The following CA10 variants were observed in gnomAD, a reference collection of about 807,000 sequenced individuals.
CA10 encodes the protein carbonic anhydrase-related protein 10.
Under a neutral mutation model 44.2 loss-of-function variants are expected in CA10, and 14 were observed. The ratio of observed to expected loss-of-function variants is 0.32; its 90% CI spans 0.21 to 0.50. The LOEUF (loss-of-function observed/expected upper bound fraction) is 0.50, where lower values mean the gene tolerates loss of function less well. Ranked by LOEUF, CA10 falls within the 20% of genes least tolerant of loss-of-function variation. The pLI, the probability that CA10 is intolerant of heterozygous loss-of-function variation, is 0.99. For missense variants in CA10, 350 were observed against 409.7 expected, an observed-to-expected ratio of 0.85 and a Z score of 1.26; for synonymous variants, 159 against 141.6, an observed-to-expected ratio of 1.12 and a Z score of -0.87.
At position 51,747,665 on chromosome 17, in the gene CA10, G is replaced by T. The variant is rs771869812; in HGVS notation, c.433C>A (p.His145Asn). Residue 145 changes from histidine to asparagine, a missense_variant, in exon 4 of 9, where the codon CAC becomes AAC. Physicochemically the swap from His to Asn is moderately conservative, Grantham distance 68. Coordinates refer to ENST00000451037, the MANE Select transcript of CA10 (RefSeq NM_020178.5). ...GAGAAGGCCTGTCCATTGAGGAGGT[G>T]CTCCGACCCTTGGCTGTCCTCACTC... ...FGSEDSQGSEHLLNGQAFSGE... is the reference protein window; with the variant it reads ...FGSEDSQGSENLLNGQAFSGE... The T allele has an allele frequency of 1.2e-6, 2 of 1,613,900 alleles. No individual in the cohort carries two copies. The highest frequency in any genetic ancestry group is 1.7e-6 in the Non-Finnish European group (2 of 1,179,876).
chr17:51,730,486 G>A (rs1176762453), intron 4 of CA10, among the ~76,000 whole-genome samples: 4 of 152,152 alleles, frequency 2.6e-5, no homozygotes, highest in African/African-American at 9.7e-5. Flanking sequence ...GGACTTAAGG[G>A]AGGTTAAAGG....
intron 2 of CA10, among the ~76,000 whole-genome samples, chr17:51,980,570 T>G (rs1567907753): frequency 6.6e-6 from 1 of 152,258 alleles, no homozygotes; most frequent in Non-Finnish European, 1.5e-5. Flanking sequence ...GATTTTGGTG[T>G]CTTTGTCACA....
At chr17:51,916,893 G>T (rs926739065) in intron 3 of CA10, among the ~76,000 whole-genome samples, 1 of 152,124 alleles carries the variant, frequency 6.6e-6, no homozygotes, top group South Asian at 2.1e-4. Flanking sequence ...CCAAACCATG[G>T]CCACCGGAGT....
intron 4 of CA10, among the ~76,000 whole-genome samples, chr17:51,728,297 T>C (rs531485541): frequency 2.0e-5 from 3 of 152,182 alleles, no homozygotes; most frequent in African/African-American, 7.2e-5. Flanking sequence ...TTTTTTTTTA[T>C]TGAAACTAAG....
At chr17:52,082,392 T>C (rs1401817472) in intron 1 of CA10, among the ~76,000 whole-genome samples, 3 of 152,216 alleles carry the variant, frequency 2.0e-5, no homozygotes, top group Admixed American at 2.0e-4. Flanking sequence ...AACTATAATT[T>C]TGCTTCTTTC....
intron 2 of CA10, among the ~76,000 whole-genome samples, chr17:51,989,931 C>T (rs189513368): frequency 1.8e-4 from 28 of 152,172 alleles, no homozygotes; most frequent in African/African-American, 6.7e-4. Flanking sequence ...TTCTATCATC[C>T]ACATTTTACA....
At chr17:51,813,759 G>C (rs1907462002) in intron 3 of CA10, among the ~76,000 whole-genome samples, 1 of 152,146 alleles carries the variant, frequency 6.6e-6, no homozygotes. Context: ...TGTCCCATAG[G>C]ATATACCGGC....
chr17:51,829,487 C>T (rs1352137254), intron 3 of CA10, among the ~76,000 whole-genome samples: 16 of 152,046 alleles, frequency 1.1e-4, no homozygotes, highest in East Asian at 9.7e-4. Context: ...TGAGGAGCTA[C>T]GTTGAAAAGC....
At chr17:52,010,621 A>G (rs1490586573) in intron 2 of CA10, among the ~76,000 whole-genome samples, 2 of 151,758 alleles carry the variant, frequency 1.3e-5, no homozygotes, top group Non-Finnish European at 2.9e-5. Context: ...GGACTGGGGG[A>G]AAATGTGGGG....
At chr17:52,010,757 C>T (rs1165929842) in intron 2 of CA10, among the ~76,000 whole-genome samples, 1 of 151,666 alleles carries the variant, frequency 6.6e-6, no homozygotes, top group Non-Finnish European at 1.5e-5. Flanking sequence ...ATATTTTGTT[C>T]AACATGAACT....
chr17:52,044,771 A>ACTAAAC (rs1555561297), intron 2 of CA10, among the ~76,000 whole-genome samples: 1 of 151,932 alleles, frequency 6.6e-6, no homozygotes, highest in African/African-American at 2.4e-5. Context: ...AACAGAAACT[A>ACTAAAC]TTAAAGTGCA....
chr17:51,770,403 T>C (rs1905558012), intron 3 of CA10, among the ~76,000 whole-genome samples: 1 of 151,196 alleles, frequency 6.6e-6, no homozygotes. Context: ...ACACAAACCC[T>C]CCCCCGAGAC....
Position 52,153,557 on chromosome 17 carries a change from CTA to C in CA10, c.61+4167_61+4168del, listed in dbSNP as rs1989746023. ...GGGATAAAGTGGGTTACAGTTATGACTATGCACCAAAGCTTAATGCTACCAGT... is the reference window on the plus strand; with the variant it reads ...GGGATAAAGTGGGTTACAGTTATGACTGCACCAAAGCTTAATGCTACCAGT... On this transcript the variant is annotated intron_variant, in intron 1 of 8. Transcript: ENST00000451037. Among the ~76,000 whole-genome samples the C allele has an allele frequency of 2.6e-5, 4 of 152,220 alleles. No individual in the cohort carries two copies. In the South Asian group the frequency reaches 8.3e-4, roughly 32 times the overall value.
chr17:52,064,994 A>G (rs1449995182), intron 2 of CA10, among the ~76,000 whole-genome samples: 1 of 152,196 alleles, frequency 6.6e-6, no homozygotes, highest in Non-Finnish European at 1.5e-5. Context: ...CCATCCAAAT[A>G]CTTTATGTGG....
chr17:51,665,904 G>A (rs553057455), intron 4 of CA10, among the ~76,000 whole-genome samples: 1 of 152,308 alleles, frequency 6.6e-6, no homozygotes, highest in East Asian at 1.9e-4. Context: ...TTTATGCCTG[G>A]GGTTGCAAAT....
At chr17:51,757,233 C>T (rs564734745) in intron 3 of CA10, among the ~76,000 whole-genome samples, 1 of 152,216 alleles carries the variant, frequency 6.6e-6, no homozygotes, top group South Asian at 2.1e-4. Context: ...TACAAAAAGC[C>T]AGTGTGCTGC....
At chr17:51,858,320 T>C (rs528086640) in intron 3 of CA10, among the ~76,000 whole-genome samples, 65 of 152,272 alleles carry the variant, frequency 4.3e-4, no homozygotes, top group African/African-American at 1.5e-3. Context: ...TGAGAAGGCA[T>C]GGGTGCAATT....
chr17:51,701,483 TA>T (rs1915601321), intron 4 of CA10, among the ~76,000 whole-genome samples: 4 of 148,120 alleles, frequency 2.7e-5, no homozygotes, highest in African/African-American at 8.0e-5. Context: ...CTCATTTATT[TA>T]TTTATTTTTT....
chr17:52,103,005 C>T (rs1239523883), intron 1 of CA10, among the ~76,000 whole-genome samples: 1 of 152,056 alleles, frequency 6.6e-6, no homozygotes, highest in Non-Finnish European at 1.5e-5. Context: ...TATGTGCACG[C>T]ACTTCTCACT....
Sources: gnomAD v4.1 joint callset for allele counts (sites outside exome capture counted in the v4.1 genomes callset) on GRCh38, gnomAD v4.1.1 for gene constraint, MANE v1.5 for transcripts, NCBI Gene and HGNC (gene_info 2026-07-23, HGNC 2026-07-21) for gene names.